EVX2: variants seen among roughly 807,000 people sequenced by gnomAD.
The protein encoded by EVX2 is even-skipped homeobox 2, also known as homeobox even-skipped homolog protein 2.
EVX2 carries 10 observed loss-of-function variants against 19.2 expected under a neutral mutation model. The observed-to-expected ratio is 0.52, with a 90% CI of 0.32 to 0.89. The LOEUF is 0.89. Ranked by LOEUF, EVX2 falls within the 40% of genes least tolerant of loss-of-function variation. The probability of loss-of-function intolerance (pLI) is 0.03; values close to 1 mark genes in which losing one functional copy is unlikely to be tolerated. For missense variants in EVX2, 710 were observed against 694.9 expected (o/e 1.02, Z -0.24); for synonymous variants, 354 against 328.4 (o/e 1.08, Z -0.84).
chr2:176,083,589 C>T lies in EVX2; in HGVS notation c.188G>A (p.Gly63Glu). 1 of 1,614,180 alleles carries T rather than the reference C, an allele frequency of 6.2e-7. No homozygotes were observed. The highest frequency in any genetic ancestry group is 8.5e-7 in the Non-Finnish European group (1 of 1,180,046). ...GAATTTGCCCTTGGCGGGGAGTTCT[C>T]CCAGAGCGCTGTGCAGGGGGGCAGA... ...LPSAPLHSAL[G>E]ELPAKGKFEI... The change falls in exon 1 of 3, where the codon GGA becomes GAA. Residue 63 changes from glycine to glutamate, a missense_variant. Physicochemically the swap from Gly to Glu is moderately conservative, Grantham distance 98. Transcript: ENST00000308618. The surrounding 1 kb of genome is among the most constrained non-coding windows in gnomAD (Gnocchi z 4.4).
Position 176,083,653 on chromosome 2 carries a change from T to C in EVX2, c.124A>G (p.Asn42Asp). 2 of 1,614,194 alleles carry C rather than the reference T, an allele frequency of 1.2e-6. No homozygotes were observed. Among genetic ancestry groups the C allele is most frequent in the Non-Finnish European group, 1.7e-6 (2 of 1,180,036 alleles). ...AGNAVLEALE[N>D]SQHPARLSPR... ...CTTAGGCGAGCCGGGTGCTGCGAATTTTCCAGGGCCTCGAGCACAGCATTG... is the reference window on the plus strand; with the variant it reads ...CTTAGGCGAGCCGGGTGCTGCGAATCTTCCAGGGCCTCGAGCACAGCATTG... The change falls in exon 1 of 3, where the codon AAT (asparagine) becomes GAT (aspartate). Residue 42 changes from asparagine to aspartate, a missense_variant. By Grantham distance (23) the Asn-to-Asp change is conservative (BLOSUM62 1). Transcript: ENST00000308618. The surrounding 1 kb of genome is among the most constrained non-coding windows in gnomAD (Gnocchi z 4.4).
Position 176,083,247 on chromosome 2 carries a change from G to A in EVX2, c.427+103C>T, listed in dbSNP as rs908127418. On this transcript the variant is annotated intron_variant, in intron 1 of 2. Coordinates refer to ENST00000308618, the MANE Select transcript of EVX2 (RefSeq NM_001080458.2). This position sits in a 1 kb window ranked among gnomAD's most constrained non-coding sequence, Gnocchi z 4.4. ...CGTGCTAGCTCGGTGTAGCTTGCCT[G>A]TGGAGGGTCTGAGAGGGGAAAAGGC... The A allele has an allele frequency of 2.9e-5, 36 of 1,237,628 alleles. No individual in the cohort carries two copies. In the African/African-American group the frequency reaches 4.8e-4, roughly 17 times the overall value. 76.7% of individuals were successfully genotyped at this position (1,237,628 alleles called of 1,614,324 possible). A position where few individuals can be genotyped will look rare whatever the true frequency, so the allele number is the denominator to read the frequency against.
chr2:176,082,455 A>G lies in EVX2; in HGVS notation c.428-6T>C. 1.3e-6 allele frequency: 2 copies of G among 1,539,940 alleles called. No individual in the cohort carries two copies. The highest frequency in any genetic ancestry group is 1.7e-6 in the Non-Finnish European group (2 of 1,145,122). ...CGAGCCGCTCTCTGCGTACCCTGGC[A>G]AACAAACGACCAACAGCGCATGAGT... On this transcript the variant is annotated splice_polypyrimidine_tract_variant and splice_region_variant and intron_variant, in intron 1 of 2. Coordinates refer to ENST00000308618, the MANE Select transcript of EVX2 (RefSeq NM_001080458.2). This position sits in a 1 kb window ranked among gnomAD's most constrained non-coding sequence, Gnocchi z 5.2.
chr2:176,080,961 C>A lies in EVX2; in HGVS notation c.700-123G>T. 3 of 1,254,534 alleles carry A rather than the reference C, an allele frequency of 2.4e-6. No individual in the cohort carries two copies. Among genetic ancestry groups the A allele is most frequent in the Non-Finnish European group, 2.1e-6 (2 of 933,378 alleles). The allele number at this position is 1,254,534 out of a possible 1,614,324, so 77.7% of individuals were successfully genotyped here. A position where few individuals can be genotyped will look rare whatever the true frequency, so the allele number is the denominator to read the frequency against. On this transcript the variant is annotated intron_variant, in intron 2 of 2. Coordinates refer to ENST00000308618, the MANE Select transcript of EVX2 (RefSeq NM_001080458.2). The surrounding 1 kb of genome is among the most constrained non-coding windows in gnomAD (Gnocchi z 7.0). Reference sequence around the variant, plus strand: ...TGGTCTACTTCTCTCCGACCAAGCCCAACCCCGAGTACCCTGTGGTCTCCC... The same window carrying A: ...TGGTCTACTTCTCTCCGACCAAGCCAAACCCCGAGTACCCTGTGGTCTCCC...
rs776936495 is a variant in EVX2 at position 176,080,647 on chromosome 2, GGCC to G, written c.888_890del (p.Ala301del). The stretch of plus-strand genomic sequence containing the variant: ...CCGCCGCGCCTGAGGCTGCAGCCGC[GGCC>G]GCCGCCGCCGTGACGCCCACGTGCG... On this transcript the variant is annotated inframe_deletion, in exon 3 of 3. Coordinates refer to ENST00000308618, the MANE Select transcript of EVX2 (RefSeq NM_001080458.2). This position sits in a 1 kb window ranked among gnomAD's most constrained non-coding sequence, Gnocchi z 7.0. 7 of 1,562,474 alleles carry G rather than the reference GGCC, an allele frequency of 4.5e-6. No individual in the cohort carries two copies. The highest frequency in any genetic ancestry group is 2.3e-5 in the East Asian group (1 of 43,134).
In EVX2 at chr2:176,080,717, A is replaced by C; in HGVS notation, c.821T>G (p.Leu274Arg). The C allele has an allele frequency of 1.2e-6, 2 of 1,606,632 alleles. No individual in the cohort carries two copies. The highest frequency in any genetic ancestry group is 1.7e-6 in the Non-Finnish European group (2 of 1,179,432). The change falls in exon 3 of 3, where the codon CTG becomes CGG. Residue 274 changes from leucine to arginine, a missense_variant. Physicochemically the swap from Leu to Arg is moderately radical, Grantham distance 102. Transcript: ENST00000308618. The surrounding 1 kb of genome is among the most constrained non-coding windows in gnomAD (Gnocchi z 7.0). Reference protein sequence around the residue: ...MMTHAAATGSLPYPFHSHVPL... With the variant: ...MMTHAAATGSRPYPFHSHVPL... ...CACGTGCGAGTGGAAGGGGTAGGGCAGGCTTCCGGTGGCGGCCGCGTGCGT... is the reference window on the plus strand; with the variant it reads ...CACGTGCGAGTGGAAGGGGTAGGGCCGGCTTCCGGTGGCGGCCGCGTGCGT...
Position 176,080,771 on chromosome 2 carries a change from G to A in EVX2, c.767C>T (p.Ala256Val), listed in dbSNP as rs1340324304. The A allele has an allele frequency of 6.2e-7, 1 of 1,611,730 alleles. No homozygotes were observed. The highest frequency in any genetic ancestry group is 2.2e-5 in the East Asian group (1 of 44,796). Residue 256 changes from alanine (A) to valine (V), a missense_variant, in exon 3 of 3, where the codon GCC (alanine) becomes GTC (valine). Coordinates refer to ENST00000308618, the MANE Select transcript of EVX2 (RefSeq NM_001080458.2). The surrounding 1 kb of genome is among the most constrained non-coding windows in gnomAD (Gnocchi z 7.0). ...CATGTAGGTGTAGAAGCTGGGGTCG[G>A]CTGGGTGCGGCCAGGACATGGCCAG... is the stretch of plus-strand genomic sequence containing the variant. ...QRLAMSWPHP[A>V]DPSFYTYMMT...
At position 176,082,909 on chromosome 2, in the gene EVX2, T is replaced by G. The variant is rs1485052380; in HGVS notation, c.427+441A>C. ...TATACTTTTCAACTCTTTCTCCCGC[T>G]GACCTAAACAGAGACGCCGGCGAGG... On this transcript the variant is annotated intron_variant, in intron 1 of 2. Transcript: ENST00000308618. The surrounding 1 kb of genome is among the most constrained non-coding windows in gnomAD (Gnocchi z 5.2). 6.6e-6 allele frequency among the ~76,000 whole-genome samples: 1 copy of G among 152,230 alleles called. No homozygotes were observed. The highest frequency in any genetic ancestry group is 2.4e-5 in the African/African-American group (1 of 41,458).
rs56255568 is a variant in EVX2 at position 176,079,459 on chromosome 2, G to C, written c.*648C>G. The C allele has an allele frequency of 6.6e-6, 1 of 152,200 alleles. No individual in the cohort carries two copies. The highest frequency in any genetic ancestry group is 1.5e-5 in the Non-Finnish European group (1 of 68,084). 9.4% of individuals were successfully genotyped at this position (152,200 alleles called of 1,614,324 possible). The stretch of plus-strand genomic sequence containing the variant: ...CCTACCCGCCTTGCTCCTGAACGTA[G>C]TAAACAATCTCACAAACAACCACCG... On this transcript the variant is annotated 3_prime_UTR_variant, in exon 3 of 3. Coordinates refer to ENST00000308618, the MANE Select transcript of EVX2 (RefSeq NM_001080458.2). This position sits in a 1 kb window ranked among gnomAD's most constrained non-coding sequence, Gnocchi z 4.4.
rs748028727 is a variant in EVX2 at position 176,083,615 on chromosome 2, C to A, written c.162G>T (p.Pro54=). Residue 54 remains proline, a synonymous_variant, in exon 1 of 3, where the codon CCG becomes CCT. Transcript: ENST00000308618. The surrounding 1 kb of genome is among the most constrained non-coding windows in gnomAD (Gnocchi z 4.4). The part of the protein sequence containing the change: ...QHPARLSPRL[P]SAPLHSALGE... ...CCAGAGCGCTGTGCAGGGGGGCAGA[C>A]GGCAGGCGCGGGCTTAGGCGAGCCG... 1.9e-6 allele frequency: 3 copies of A among 1,614,174 alleles called. No individual in the cohort carries two copies. Among genetic ancestry groups the A allele is most frequent in the Admixed American group, 1.7e-5 (1 of 60,030 alleles).
chr2:176,083,747 A>G lies in EVX2; in HGVS notation c.30T>C (p.Ile10=). 6 of 1,612,996 alleles carry G rather than the reference A, an allele frequency of 3.7e-6. No homozygotes were observed. Among genetic ancestry groups the G allele is most frequent in the South Asian group, 1.1e-5 (1 of 91,082 alleles). The change falls in exon 1 of 3, where the codon ATT becomes ATC. Residue 10 remains isoleucine, a synonymous_variant. Coordinates refer to ENST00000308618, the MANE Select transcript of EVX2 (RefSeq NM_001080458.2). This position sits in a 1 kb window ranked among gnomAD's most constrained non-coding sequence, Gnocchi z 4.4. ...GGCTGTGCAGCCCTCTCTCCATCAG[A>G]ATCATCTCTTTTCTTATTCTTTCCA... is the stretch of plus-strand genomic sequence containing the variant. MMERIRKEM[I]LMERGLHSPT... is the part of the protein sequence containing the mutation.
rs1465202935 is a variant in EVX2 at position 176,081,645 on chromosome 2, G to A, written c.699+533C>T. 6.6e-6 allele frequency among the ~76,000 whole-genome samples: 1 copy of A among 152,096 alleles called. No individual in the cohort carries two copies. Among genetic ancestry groups the A allele is most frequent in the African/African-American group, 2.4e-5 (1 of 41,408 alleles). On this transcript the variant is annotated intron_variant, in intron 2 of 2. Transcript: ENST00000308618. This position sits in a 1 kb window ranked among gnomAD's most constrained non-coding sequence, Gnocchi z 5.9. ...TAACCTAAAGTTATATATAAATAAG[G>A]ACAATTTCGTTGCATTTTTCCCCGC...
In EVX2 at chr2:176,080,641, AGCCGCGGCCGCC is replaced by A; in HGVS notation, c.885_896del (p.Ala298_Ala301del). On this transcript the variant is annotated inframe_deletion, in exon 3 of 3. Transcript: ENST00000308618. This position sits in a 1 kb window ranked among gnomAD's most constrained non-coding sequence, Gnocchi z 7.0. ...CCGCGGCCGCCGCGCCTGAGGCTGC[AGCCGCGGCCGCC>A]GCCGCCGTGACGCCCACGTGCGGGT... The A allele has an allele frequency of 6.4e-7, 1 of 1,552,800 alleles. No individual in the cohort carries two copies. The highest frequency in any genetic ancestry group is 8.6e-7 in the Non-Finnish European group (1 of 1,158,914).
At position 176,080,029 on chromosome 2, in the gene EVX2, G is replaced by T; in HGVS notation, c.*78C>A. Reference sequence around the variant, plus strand: ...CAGCGGCAGCAGCGGGCAACGCGCGGAGGGCTCAGGGGGCGCACAGGGGAC... The same window carrying T: ...CAGCGGCAGCAGCGGGCAACGCGCGTAGGGCTCAGGGGGCGCACAGGGGAC... On this transcript the variant is annotated 3_prime_UTR_variant, in exon 3 of 3. Coordinates refer to ENST00000308618, the MANE Select transcript of EVX2 (RefSeq NM_001080458.2). This position sits in a 1 kb window ranked among gnomAD's most constrained non-coding sequence, Gnocchi z 7.0. The T allele has an allele frequency of 7.5e-7, 1 of 1,336,586 alleles. No individual in the cohort carries two copies. Among genetic ancestry groups the T allele is most frequent in the Non-Finnish European group, 9.6e-7 (1 of 1,037,838 alleles). The allele number at this position is 1,336,586 out of a possible 1,614,324, so 82.8% of individuals were successfully genotyped here. A position where few individuals can be genotyped will look rare whatever the true frequency, so the allele number is the denominator to read the frequency against.
Position 176,080,156 on chromosome 2 carries a change from G to A in EVX2, c.1382C>T (p.Thr461Met), listed in dbSNP as rs1156355310. The change falls in exon 3 of 3, where the codon ACG becomes ATG. Residue 461 changes from threonine to methionine, a missense_variant. Thr to Met is a moderately conservative substitution (Grantham distance 81, BLOSUM62 -1). Coordinates refer to ENST00000308618, the MANE Select transcript of EVX2 (RefSeq NM_001080458.2). This position sits in a 1 kb window ranked among gnomAD's most constrained non-coding sequence, Gnocchi z 7.0. ...LPYSAAVLSK[T>M]AVSPPDQRDE... ...CCTCTGGTCCGGCGGGCTCACGGCC[G>A]TCTTACTAAGCACCGCGGCCGAGTA... is the stretch of plus-strand genomic sequence containing the variant. 2 of 1,543,136 alleles carry A rather than the reference G, an allele frequency of 1.3e-6. No individual in the cohort carries two copies. The highest frequency in any genetic ancestry group is 2.4e-5 in the South Asian group (2 of 83,526).
rs1689140376 is a variant in EVX2 at position 176,081,046 on chromosome 2, G to C, written c.700-208C>G. Among the ~76,000 whole-genome samples, 2 of 152,172 alleles carry C rather than the reference G, an allele frequency of 1.3e-5. No homozygotes were observed. On this transcript the variant is annotated intron_variant, in intron 2 of 2. Transcript: ENST00000308618. The surrounding 1 kb of genome is among the most constrained non-coding windows in gnomAD (Gnocchi z 5.9). ...CCGTGGGCACACCGTCCTCAACGAA[G>C]AGGGTCCTCTCCCCCGCGTCCGGCT...
At position 176,083,794 on chromosome 2, in the gene EVX2, T is replaced by A; in HGVS notation, c.-18A>T. On this transcript the variant is annotated 5_prime_UTR_variant, in exon 1 of 3. Transcript: ENST00000308618. The surrounding 1 kb of genome is among the most constrained non-coding windows in gnomAD (Gnocchi z 4.4). ...TCCATCATCTCAGCTTTCTTAAAAATGTCACAGTGGCCCTGCTGTCCCGTC... is the reference window on the plus strand; with the variant it reads ...TCCATCATCTCAGCTTTCTTAAAAAAGTCACAGTGGCCCTGCTGTCCCGTC... 1 of 1,598,508 alleles carries A rather than the reference T, an allele frequency of 6.3e-7. No homozygotes were observed. The highest frequency in any genetic ancestry group is 8.5e-7 in the Non-Finnish European group (1 of 1,171,494).
rs915152552 is a variant in EVX2 at position 176,080,381 on chromosome 2, G to C, written c.1157C>G (p.Pro386Arg). The change falls in exon 3 of 3, where the codon CCC becomes CGC. Residue 386 changes from proline to arginine, a missense_variant. Pro to Arg is a moderately radical substitution (Grantham distance 103, BLOSUM62 -2). Transcript: ENST00000308618. The surrounding 1 kb of genome is among the most constrained non-coding windows in gnomAD (Gnocchi z 7.0). ...AGAPPSGGSA[P>R]CSCLSCHSSQ... Reference sequence around the variant, plus strand: ...GCTGTGGCAACTGAGGCACGAGCAGGGTGCAGAGCCGCCGCTGGGGGGCGC... The same window carrying C: ...GCTGTGGCAACTGAGGCACGAGCAGCGTGCAGAGCCGCCGCTGGGGGGCGC... 10 of 1,141,602 alleles carry C rather than the reference G, an allele frequency of 8.8e-6. No homozygotes were observed. Among genetic ancestry groups the C allele is most frequent in the Non-Finnish European group, 9.7e-6 (9 of 926,682 alleles). 70.7% of individuals were successfully genotyped at this position (1,141,602 alleles called of 1,614,324 possible). A position where few individuals can be genotyped will look rare whatever the true frequency, so the allele number is the denominator to read the frequency against.
Position 176,079,056 on chromosome 2 carries a change from C to T in EVX2, c.*1051G>A, listed in dbSNP as rs1416275049. On this transcript the variant is annotated 3_prime_UTR_variant, in exon 3 of 3. Transcript: ENST00000308618. The surrounding 1 kb of genome is among the most constrained non-coding windows in gnomAD (Gnocchi z 4.4). ...AAAGGAAAGCGAGGAGAGAAGGGGA[C>T]GAGGGACATAGAGAGTTCTAACTTA... 1 of 152,374 alleles carries T rather than the reference C, an allele frequency of 6.6e-6. No homozygotes were observed. The allele number at this position is 152,374 out of a possible 1,614,324, so 9.4% of individuals were successfully genotyped here. A position where few individuals can be genotyped will look rare whatever the true frequency, so the allele number is the denominator to read the frequency against.
Sources: allele counts gnomAD v4.1 joint callset (sites outside exome capture counted in the v4.1 genomes callset), GRCh38; gene constraint gnomAD v4.1.1; non-coding constraint Gnocchi (gnomAD v3.1); transcripts MANE v1.5; gene names NCBI Gene and HGNC (gene_info 2026-07-23, HGNC 2026-07-21).